DNAH11: variants seen among roughly 807,000 people sequenced by gnomAD.
DNAH11 encodes dynein axonemal heavy chain 11.
A neutral mutation model predicts 526.0 loss-of-function variants in DNAH11; 442 were observed. The observed-to-expected ratio is 0.84, with a 90% CI of 0.78 to 0.91. DNAH11 has a LOEUF of 0.91. Among genes scored for constraint, DNAH11 ranks in the 40% least tolerant of loss-of-function variants. The probability of loss-of-function intolerance (pLI) is 0.00; values close to 1 mark genes in which losing one functional copy is unlikely to be tolerated. For missense variants in DNAH11, 6,989 were observed against 5,448.7 expected, an observed-to-expected ratio of 1.28 and a Z score of -8.90; for synonymous variants, 2,461 against 1,935.9, an observed-to-expected ratio of 1.27 and a Z score of -7.12.
intron 61 of DNAH11, among the ~76,000 whole-genome samples, chr7:21,795,676 A>G (rs1788678475): frequency 6.6e-6 from 1 of 152,356 alleles, no homozygotes; most frequent in East Asian, 1.9e-4. Flanking sequence ...ACGTTTTGTA[A>G]CACTGGACTA....
intron 73 of DNAH11, 43 bp from the exon 74 acceptor site, chr7:21,873,231 A>T (rs1451203779): frequency 7.0e-7 from 1 of 1,421,778 alleles, no homozygotes; most frequent in East Asian, 2.5e-5. Flanking sequence ...TTCAAGTAAT[A>T]TGCCTCACCT....
chr7:21,583,990 T>C (rs1329899851), intron 9 of DNAH11, among the ~76,000 whole-genome samples: 1 of 152,142 alleles, frequency 6.6e-6, no homozygotes, highest in Admixed American at 6.5e-5. Context: ...GGAGTGCAAA[T>C]TAGTTCAACC....
chr7:21,571,417 C>A (rs949790796), intron 7 of DNAH11, among the ~76,000 whole-genome samples: 15 of 152,016 alleles, frequency 9.9e-5, no homozygotes, highest in African/African-American at 3.6e-4. Context: ...GTAGCTGGGA[C>A]TACAGGTGCA....
In DNAH11 at chr7:21,667,897, GGAAATAATT is replaced by G. The variant is rs571050258; in HGVS notation, c.5328+8872_5328+8880del. 3.9e-5 allele frequency among the ~76,000 whole-genome samples: 6 copies of G among 152,108 alleles called. No individual in the cohort carries two copies. The East Asian group carries it at 1.2e-3, about 29-fold the overall frequency. Reference sequence around the variant, plus strand: ...AAAACTCAAGTAGACCATTAACGATGGAAATAATTGAAATTGTAATCATGGTAGTCAAAG... The same window carrying G: ...AAAACTCAAGTAGACCATTAACGATGGAAATTGTAATCATGGTAGTCAAAG... On this transcript the variant is annotated intron_variant, in intron 30 of 81. Transcript: ENST00000409508.
intron 79 of DNAH11, among the ~76,000 whole-genome samples, chr7:21,898,916 G>A (rs73683008): frequency 0.083 from 12,671 of 152,096 alleles, 686 homozygotes; most frequent in African/African-American, 0.15. Context: ...CAGATTTCCC[G>A]GCAACTCTGG....
intron 8 of DNAH11, among the ~76,000 whole-genome samples, chr7:21,574,429 G>A (rs11770323): frequency 5.9e-5 from 9 of 151,868 alleles, no homozygotes; most frequent in Non-Finnish European, 1.2e-4. Flanking sequence ...GAGTGGTCCC[G>A]CAGGCAAATG....
Position 21,600,667 on chromosome 7 carries a change from C to G in DNAH11, c.3001-9C>G, listed in dbSNP as rs981908058. ...TGAATAGTAAGTGCTGTGTTTTCCT[C>G]TCATTTAGAATGATATGGATAACAT... On this transcript the variant is annotated splice_polypyrimidine_tract_variant and intron_variant, in intron 15 of 81. Transcript: ENST00000409508. 1.0e-5 allele frequency: 16 copies of G among 1,586,198 alleles called. No homozygotes were observed. The highest frequency in any genetic ancestry group is 5.4e-5 in the African/African-American group (4 of 74,136).
intron 2 of DNAH11, among the ~76,000 whole-genome samples, chr7:21,552,347 G>GT (rs1783054335): frequency 6.6e-6 from 1 of 152,186 alleles, no homozygotes; most frequent in Non-Finnish European, 1.5e-5. Context: ...ACAGTAGCCA[G>GT]TTAAACCTAA....
intron 29 of DNAH11, among the ~76,000 whole-genome samples, 199 bp from the exon 30 acceptor site, chr7:21,658,599 C>T (rs999373654): frequency 3.9e-5 from 6 of 152,052 alleles, no homozygotes; most frequent in Non-Finnish European, 5.9e-5. Flanking sequence ...TGGGAGAAGG[C>T]GGGTTCCTGC....
At chr7:21,739,810 ACAGACAGGGG>A (rs1386485916) in intron 48 of DNAH11, 137 bp downstream of exon 48, 2 of 623,570 alleles carry the variant, frequency 3.2e-6, no homozygotes, top group Non-Finnish European at 5.4e-6. Context: ...CCCACTAACA[ACAGACAGGGG>A]TTCTAATAAG....
At chr7:21,859,614 C>T (rs1391572065) in intron 68 of DNAH11, among the ~76,000 whole-genome samples, 1 of 152,182 alleles carries the variant, frequency 6.6e-6, no homozygotes, top group Non-Finnish European at 1.5e-5. Context: ...TAGGATTTTA[C>T]TTTCACTCAA....
rs746506506 is a variant in DNAH11, at chr7:21,581,999, A to G, written c.1688A>G (p.Asn563Ser). 4.2e-5 allele frequency: 67 copies of G among 1,611,930 alleles called. No homozygotes were observed. The highest frequency in any genetic ancestry group is 3.3e-4 in the Middle Eastern group (2 of 6,036). Residue 563 changes from asparagine (N) to serine (S), a missense_variant, in exon 9 of 82, where the codon AAT becomes AGT. Coordinates refer to ENST00000409508, the MANE Select transcript of DNAH11 (RefSeq NM_001277115.2). ...ATTTGTGAAGCTTTCTTTAACTGCAATGGCTTAGAAGCTGCATTTAAGGTT... is the reference window on the plus strand; with the variant it reads ...ATTTGTGAAGCTTTCTTTAACTGCAGTGGCTTAGAAGCTGCATTTAAGGTT... The part of the protein sequence containing the change: ...TIICEAFFNC[N>S]GLEAAFKLLT...
chr7:21,899,945 T>A (rs1562612500), intron 80 of DNAH11, 35 bp from the exon 81 acceptor site: 1 of 1,610,908 alleles, frequency 6.2e-7, no homozygotes, highest in Non-Finnish European at 8.5e-7. Context: ...CATGCAACAC[T>A]TTTATCCTAT....
chr7:21,693,118 T>C (rs1348867645), intron 35 of DNAH11, among the ~76,000 whole-genome samples: 1 of 152,216 alleles, frequency 6.6e-6, no homozygotes, highest in Non-Finnish European at 1.5e-5. Context: ...AATTTATCAA[T>C]TTGTTTTTGT....
chr7:21,901,632 A>C lies in DNAH11; in HGVS notation c.*378A>C, dbSNP rs564479595. 1 of 160,676 alleles carries C rather than the reference A, an allele frequency of 6.2e-6. No individual in the cohort carries two copies. The highest frequency in any genetic ancestry group is 1.8e-4 in the East Asian group (1 of 5,494). The allele number at this position is 160,676 out of a possible 1,614,324, so 10.0% of individuals were successfully genotyped here. On this transcript the variant is annotated 3_prime_UTR_variant, in exon 82 of 82. Transcript: ENST00000409508. ...GAACATGCAAAAGCAATGCAGCCGGAAAGAACGGAGATTTTAATTTTTAAC... is the reference window on the plus strand; with the variant it reads ...GAACATGCAAAAGCAATGCAGCCGGCAAGAACGGAGATTTTAATTTTTAAC...
chr7:21,870,128 G>A lies in DNAH11; in HGVS notation c.11967+1137G>A, dbSNP rs1336153805. Among the ~76,000 whole-genome samples, 5 of 152,306 alleles carry A rather than the reference G, an allele frequency of 3.3e-5. No individual in the cohort carries two copies. The South Asian group carries it at 1.0e-3, about 32-fold the overall frequency. ...ATAAAGATGAGAAAAGTGAGCATCC[G>A]AGTGGCTGGAGAGCCTCAAGGCCAC... On this transcript the variant is annotated intron_variant, in intron 73 of 81. Transcript: ENST00000409508.
intron 30 of DNAH11, among the ~76,000 whole-genome samples, chr7:21,670,867 CGTGTGTGTGT>C (rs59872330): frequency 2.0e-5 from 3 of 147,184 alleles, no homozygotes; most frequent in Admixed American, 6.7e-5. Context: ...TAAGTGTGTA[CGTGTGTGTGT>C]GTGTGTGTGT....
rs920572050 is a variant in DNAH11 at position 21,693,954 on chromosome 7, C to T, written c.6041+3073C>T. Reference sequence around the variant, plus strand: ...AAGGTGGACCAGGAGAGAGAACACGCGCGAGGTGGGGAAGTGCCACGCACT... The same window carrying T: ...AAGGTGGACCAGGAGAGAGAACACGTGCGAGGTGGGGAAGTGCCACGCACT... On this transcript the variant is annotated intron_variant, in intron 35 of 81. Transcript: ENST00000409508. Among the ~76,000 whole-genome samples, 10 of 152,182 alleles carry T rather than the reference C, an allele frequency of 6.6e-5. No homozygotes were observed. In the South Asian group the frequency reaches 8.3e-4, roughly 13 times the overall value.
chr7:21,864,452 T>C (rs970254233), intron 69 of DNAH11, 83 bp from the exon 70 acceptor site: 1 of 1,412,598 alleles, frequency 7.1e-7, no homozygotes, highest in Non-Finnish European at 9.6e-7. Flanking sequence ...TACTCAGTCA[T>C]GTCTGTTAAA....
Sources: allele counts gnomAD v4.1 joint callset (sites outside exome capture counted in the v4.1 genomes callset), GRCh38; gene constraint gnomAD v4.1.1; transcripts MANE v1.5; gene names NCBI Gene and HGNC (gene_info 2026-07-23, HGNC 2026-07-21).